The following CACNA2D3 variants were observed in gnomAD, a reference collection of about 807,000 sequenced individuals.
CACNA2D3 encodes calcium voltage-gated channel auxiliary subunit alpha2delta 3, also known as voltage-dependent calcium channel subunit alpha-2/delta-3.
A neutral mutation model predicts 160.6 loss-of-function variants in CACNA2D3; 60 were observed. The observed-to-expected ratio is 0.37, with a 90% CI of 0.30 to 0.46. The LOEUF (loss-of-function observed/expected upper bound fraction) is 0.46. Ranked by LOEUF, CACNA2D3 falls within the 20% of genes least tolerant of loss-of-function variation. CACNA2D3 has a pLI of 1.00. For synonymous variants in CACNA2D3, 558 were observed against 492.9 expected, an observed-to-expected ratio of 1.13 and a Z score of -1.75; for missense variants, 1,205 against 1,365.0, an observed-to-expected ratio of 0.88 and a Z score of 1.85.
At chr3:54,985,328 G>T (rs1702590899) in intron 30 of CACNA2D3, among the ~76,000 whole-genome samples, 1 of 152,158 alleles carries the variant, frequency 6.6e-6, no homozygotes, top group South Asian at 2.1e-4. Context: ...CAAAATAAGA[G>T]TTAAAGTCGA....
chr3:54,356,173 A>G (rs1165927474), intron 3 of CACNA2D3, among the ~76,000 whole-genome samples: 1 of 152,234 alleles, frequency 6.6e-6, no homozygotes, highest in African/African-American at 2.4e-5. Flanking sequence ...TGACAGGGCC[A>G]GGATCAACAA....
At chr3:54,606,757 C>T (rs1389854854) in intron 9 of CACNA2D3, among the ~76,000 whole-genome samples, 4 of 152,168 alleles carry the variant, frequency 2.6e-5, no homozygotes, top group African/African-American at 9.7e-5. Flanking sequence ...ATCCCTGGGT[C>T]ATGAACAAGA....
At chr3:54,861,245 T>A (rs1699285237) in intron 17 of CACNA2D3, among the ~76,000 whole-genome samples, 1 of 152,016 alleles carries the variant, frequency 6.6e-6, no homozygotes, top group African/African-American at 2.4e-5. Flanking sequence ...AGGACAGACC[T>A]CCAAGAGGAG....
chr3:54,361,063 C>T (rs1045524641), intron 3 of CACNA2D3, among the ~76,000 whole-genome samples: 1 of 151,970 alleles, frequency 6.6e-6, no homozygotes, highest in African/African-American at 2.4e-5. Flanking sequence ...TAAAAAATTC[C>T]ATATTTTCAG....
intron 2 of CACNA2D3, among the ~76,000 whole-genome samples, chr3:54,183,078 T>C (rs1700810506): frequency 6.6e-6 from 1 of 151,006 alleles, no homozygotes; most frequent in Non-Finnish European, 1.5e-5. Flanking sequence ...TTGACCTCAT[T>C]CCCCCCCCAA....
intron 11 of CACNA2D3, among the ~76,000 whole-genome samples, chr3:54,651,127 A>G (rs1346092276): frequency 1.3e-5 from 2 of 152,190 alleles, no homozygotes; most frequent in Non-Finnish European, 2.9e-5. Context: ...AAATGACCAT[A>G]GGTCAGAGGA....
chr3:54,638,078 T>C (rs1699418639), intron 10 of CACNA2D3: 2 of 152,012 alleles, frequency 1.3e-5, no homozygotes, highest in Non-Finnish European at 2.9e-5. Flanking sequence ...TTTTCTGTTA[T>C]TTCACACCTT....
chr3:54,219,514 A>G (rs903538595), intron 2 of CACNA2D3, among the ~76,000 whole-genome samples: 1 of 151,346 alleles, frequency 6.6e-6, no homozygotes, highest in Non-Finnish European at 1.5e-5. Flanking sequence ...ATCTGCCTGA[A>G]CTCTGTAGGT....
intron 2 of CACNA2D3, among the ~76,000 whole-genome samples, chr3:54,273,502 C>A (rs576068699): frequency 7.9e-5 from 12 of 152,274 alleles, no homozygotes; most frequent in African/African-American, 2.4e-4. Flanking sequence ...TCCTTGCGTT[C>A]TGGCTCTTGG....
chr3:54,146,106 C>T (rs370723279), intron 2 of CACNA2D3, among the ~76,000 whole-genome samples: 3 of 152,044 alleles, frequency 2.0e-5, no homozygotes, highest in Non-Finnish European at 4.4e-5. Flanking sequence ...GTTCTCTGTT[C>T]GGGATGGGGC....
chr3:54,846,470 A>G lies in CACNA2D3; in HGVS notation c.1626+3A>G, dbSNP rs747295234. 19 of 1,570,628 alleles carry G rather than the reference A, an allele frequency of 1.2e-5. No individual in the cohort carries two copies. Among genetic ancestry groups the G allele is most frequent in the Non-Finnish European group, 1.7e-5 (19 of 1,148,304 alleles). On this transcript the variant is annotated splice_donor_region_variant and intron_variant, in intron 17 of 37. Transcript: ENST00000474759. ...CGCATCCGGAACTCAGGCTGCTGGT[A>G]AGAGAAATTATGTACTTCTGCATTT...
At chr3:54,336,858 T>C (rs886075569) in intron 3 of CACNA2D3, among the ~76,000 whole-genome samples, 1 of 152,186 alleles carries the variant, frequency 6.6e-6, no homozygotes, top group African/African-American at 2.4e-5. Context: ...AAATTAAAAG[T>C]ATATAAAACA....
chr3:54,360,568 A>G (rs1283443667), intron 3 of CACNA2D3, among the ~76,000 whole-genome samples: 1 of 152,066 alleles, frequency 6.6e-6, no homozygotes, highest in Non-Finnish European at 1.5e-5. Context: ...CACTTAAGCT[A>G]TCAATCGTTA....
At chr3:54,904,156 A>G (rs1450541179) in intron 27 of CACNA2D3, among the ~76,000 whole-genome samples, 1 of 152,254 alleles carries the variant, frequency 6.6e-6, no homozygotes, top group Non-Finnish European at 1.5e-5. Flanking sequence ...ACACAAGAGA[A>G]GAGAAAGGGC....
intron 4 of CACNA2D3, among the ~76,000 whole-genome samples, chr3:54,495,662 T>C (rs1701191934): frequency 6.6e-6 from 1 of 152,096 alleles, no homozygotes; most frequent in Non-Finnish European, 1.5e-5. Context: ...AGCAGGAGGA[T>C]CACTTGAACC....
intron 13 of CACNA2D3, among the ~76,000 whole-genome samples, chr3:54,811,208 A>G (rs781161548): frequency 2.6e-4 from 39 of 152,256 alleles, no homozygotes; most frequent in Non-Finnish European, 3.7e-4. Flanking sequence ...TTAATTTTGG[A>G]CAAAACTGAG....
intron 2 of CACNA2D3, among the ~76,000 whole-genome samples, chr3:54,175,870 A>G (rs541113974): frequency 1.2e-4 from 19 of 152,230 alleles, no homozygotes; most frequent in East Asian, 5.8e-4. Flanking sequence ...AGAGCATACA[A>G]TGTCTGGGAC....
At chr3:54,296,091 T>C (rs1263349146) in intron 2 of CACNA2D3, among the ~76,000 whole-genome samples, 1 of 152,106 alleles carries the variant, frequency 6.6e-6, no homozygotes, top group Non-Finnish European at 1.5e-5. Context: ...GGATGAACTT[T>C]AGGGTGCACG....
intron 4 of CACNA2D3, among the ~76,000 whole-genome samples, chr3:54,465,169 C>T (rs1700598237): frequency 6.6e-6 from 1 of 151,456 alleles, no homozygotes; most frequent in African/African-American, 2.4e-5. Flanking sequence ...TTATTTCATT[C>T]ATTGAATTCT....
Sources: gnomAD v4.1 joint callset for allele counts (sites outside exome capture counted in the v4.1 genomes callset) on GRCh38, gnomAD v4.1.1 for gene constraint, MANE v1.5 for transcripts, NCBI Gene and HGNC (gene_info 2026-07-23, HGNC 2026-07-21) for gene names.